Variants in PEA15 observed in about 807,000 individuals in gnomAD.
The protein encoded by PEA15 is astrocytic phosphoprotein PEA-15.
For synonymous variants in PEA15, 60 were observed against 61.8 expected (o/e 0.97, Z 0.13); for missense variants, 77 against 161.3 (o/e 0.48, Z 2.83).
intron 1 of PEA15, among the ~76,000 whole-genome samples, chr1:160,210,007 G>C (rs1336509851): frequency 1.3e-5 from 2 of 152,324 alleles, no homozygotes; most frequent in Non-Finnish European, 1.5e-5. Context: ...GTTTCTTGCG[G>C]GGGTCATGGT....
At chr1:160,211,382 G>T in intron 1 of PEA15, 161 bp from the exon 2 acceptor site, 1 of 1,319,154 alleles carries the variant, frequency 7.6e-7, no homozygotes, top group South Asian at 2.3e-5. Context: ...GCCTCCCCTA[G>T]GTCTTCCTTT....
At position 160,211,725 on chromosome 1, in the gene PEA15, G is replaced by A; in HGVS notation, c.172+9G>A. 6.2e-7 allele frequency: 1 copy of A among 1,610,272 alleles called. No individual in the cohort carries two copies. The highest frequency in any genetic ancestry group is 8.5e-7 in the Non-Finnish European group (1 of 1,177,436). On this transcript the variant is annotated intron_variant, in intron 2 of 3. Coordinates refer to ENST00000360472, the MANE Select transcript of PEA15 (RefSeq NM_003768.5). ...CAACAAGCTGGACAAAGGTGGGGGA[G>A]GGGAGCACAGGGGTCCTGTCATCAG... is the stretch of plus-strand genomic sequence containing the variant.
chr1:160,213,490 A>AG lies in PEA15; in HGVS notation c.*9dup. On this transcript the variant is annotated 3_prime_UTR_variant, in exon 4 of 4. Coordinates refer to ENST00000360472, the MANE Select transcript of PEA15 (RefSeq NM_003768.5). The surrounding 1 kb of genome is among the most constrained non-coding windows in gnomAD (Gnocchi z 5.3). Reference sequence around the variant, plus strand: ...TCCCCCACCGAAGAAGGCCTGAGCAAGGGGGAGGAAGAGGAGGAAGGTTGG... The same window carrying AG: ...TCCCCCACCGAAGAAGGCCTGAGCAAGGGGGGAGGAAGAGGAGGAAGGTTGG... 6.2e-7 allele frequency: 1 copy of AG among 1,613,586 alleles called. No individual in the cohort carries two copies. Among genetic ancestry groups the AG allele is most frequent in the Non-Finnish European group, 8.5e-7 (1 of 1,179,628 alleles).
chr1:160,213,371 C>T lies in PEA15; in HGVS notation c.329-51C>T, dbSNP rs1352326075. On this transcript the variant is annotated intron_variant, in intron 3 of 3. Coordinates refer to ENST00000360472, the MANE Select transcript of PEA15 (RefSeq NM_003768.5). This position sits in a 1 kb window ranked among gnomAD's most constrained non-coding sequence, Gnocchi z 5.3. ...TGGAGGCAGATGCCCAATGGGCCTG[C>T]CTGGCATCTCCCACACTGCTGTCCC... The T allele has an allele frequency of 6.2e-7, 1 of 1,609,140 alleles. No individual in the cohort carries two copies. The highest frequency in any genetic ancestry group is 2.2e-5 in the East Asian group (1 of 44,872).
rs1654686040 is a variant in PEA15 at position 160,208,173 on chromosome 1, C to T, written c.-3+2651C>T. On this transcript the variant is annotated intron_variant, in intron 1 of 3. Transcript: ENST00000360472. The surrounding 1 kb of genome is among the most constrained non-coding windows in gnomAD (Gnocchi z 4.1). ...CAATTGCCAGGCTTCTCAAAGCACT[C>T]CCAGGGCCTGGCTCTTCTTACCCCA... 1 of 159,928 alleles carries T rather than the reference C, an allele frequency of 6.3e-6. No individual in the cohort carries two copies. The allele number at this position is 159,928 out of a possible 1,614,324, so 9.9% of individuals were successfully genotyped here.
chr1:160,209,192 C>A (rs183188775), intron 1 of PEA15, among the ~76,000 whole-genome samples: 363 of 152,286 alleles, frequency 2.4e-3, no homozygotes, highest in Admixed American at 8.0e-3. Flanking sequence ...ATATCCAGTG[C>A]TGGCACATAC....
intron 1 of PEA15, among the ~76,000 whole-genome samples, chr1:160,210,683 C>T (rs561819046): frequency 6.6e-6 from 1 of 152,244 alleles, no homozygotes; most frequent in East Asian, 1.9e-4. Flanking sequence ...TGCCATTCTC[C>T]CAAAGCCGCA....
intron 1 of PEA15, among the ~76,000 whole-genome samples, chr1:160,209,461 C>T (rs1654756857): frequency 6.6e-6 from 1 of 152,158 alleles, no homozygotes; most frequent in Non-Finnish European, 1.5e-5. Context: ...CCGCCTACCT[C>T]CTCTGTAGAT....
At chr1:160,207,736 G>A (rs1202539288) in intron 1 of PEA15, among the ~76,000 whole-genome samples, 3 of 152,158 alleles carry the variant, frequency 2.0e-5, no homozygotes. Flanking sequence ...AATTAATTGA[G>A]AATGATATTA....
Position 160,208,725 on chromosome 1 carries a change from T to G in PEA15, c.-2-2818T>G, listed in dbSNP as rs932272579. ...TCCCCTAAACAACACTCCCTTTGCT[T>G]CTTCTGCCATACTAAGGCCTAGGCA... On this transcript the variant is annotated intron_variant, in intron 1 of 3. Transcript: ENST00000360472. The surrounding 1 kb of genome is among the most constrained non-coding windows in gnomAD (Gnocchi z 4.1). 29 of 1,407,212 alleles carry G rather than the reference T, an allele frequency of 2.1e-5. No individual in the cohort carries two copies. The highest frequency in any genetic ancestry group is 7.1e-5 in the African/African-American group (5 of 70,238). 87.2% of individuals were successfully genotyped at this position (1,407,212 alleles called of 1,614,324 possible).
In PEA15 at chr1:160,205,943, A is replaced by G. The variant is rs1230029661; in HGVS notation, c.-3+421A>G. The G allele has an allele frequency of 6.6e-6, 1 of 152,182 alleles. No homozygotes were observed. Among genetic ancestry groups the G allele is most frequent in the Non-Finnish European group, 1.5e-5 (1 of 68,022 alleles). The allele number at this position is 152,182 out of a possible 1,614,324, so 9.4% of individuals were successfully genotyped here. On this transcript the variant is annotated intron_variant, in intron 1 of 3. Transcript: ENST00000360472. This position sits in a 1 kb window ranked among gnomAD's most constrained non-coding sequence, Gnocchi z 5.9. ...TACCATGTGCCCTCACCCCCAGCTC[A>G]CTGCACCTGGGGAAGAGGTGGGCTT...
chr1:160,206,693 G>A (rs1479600583), intron 1 of PEA15, among the ~76,000 whole-genome samples: 1 of 152,192 alleles, frequency 6.6e-6, no homozygotes. Context: ...CAGGGAACCA[G>A]GGAGAGGGAG....
rs1654510329 is a variant in PEA15, at chr1:160,205,408, G to GGCGGCGGCA, written c.-115_-107dup. The stretch of plus-strand genomic sequence containing the variant: ...CGGCTCCGCGGGCGGAAGAGGCGGC[G>GGCGGCGGCA]GCGGCGGCAGAAGCGGCGGCGGCGG... On this transcript the variant is annotated 5_prime_UTR_variant, in exon 1 of 4. Coordinates refer to ENST00000360472, the MANE Select transcript of PEA15 (RefSeq NM_003768.5). The surrounding 1 kb of genome is among the most constrained non-coding windows in gnomAD (Gnocchi z 5.9). The GGCGGCGGCA allele has an allele frequency of 5.6e-6, 1 of 177,784 alleles. No individual in the cohort carries two copies. Among genetic ancestry groups the GGCGGCGGCA allele is most frequent in the Non-Finnish European group, 1.1e-5 (1 of 90,590 alleles). The allele number at this position is 177,784 out of a possible 1,614,324, so 11.0% of individuals were successfully genotyped here.
chr1:160,208,068 A>C lies in PEA15; in HGVS notation c.-3+2546A>C, dbSNP rs557732497. The stretch of plus-strand genomic sequence containing the variant: ...AGAGGATTTGGAACCAAACGTTAGA[A>C]GGGATAATCTACCACGACTTAATGT... On this transcript the variant is annotated intron_variant, in intron 1 of 3. Transcript: ENST00000360472. This position sits in a 1 kb window ranked among gnomAD's most constrained non-coding sequence, Gnocchi z 4.1. Among the ~76,000 whole-genome samples the C allele has an allele frequency of 2.0e-5, 3 of 152,372 alleles. No individual in the cohort carries two copies. In the East Asian group the frequency reaches 5.8e-4, roughly 29 times the overall value.
chr1:160,213,636 G>A lies in PEA15; in HGVS notation c.*150G>A, dbSNP rs866656268. ...ACTGTGCGCGTGTGTGTGCGTGTGC[G>A]CACGCTCTGGCTGTTTGTCTATATG... is the stretch of plus-strand genomic sequence containing the variant. On this transcript the variant is annotated 3_prime_UTR_variant, in exon 4 of 4. Coordinates refer to ENST00000360472, the MANE Select transcript of PEA15 (RefSeq NM_003768.5). The surrounding 1 kb of genome is among the most constrained non-coding windows in gnomAD (Gnocchi z 5.3). 6.7e-5 allele frequency: 28 copies of A among 415,840 alleles called. No individual in the cohort carries two copies. The Middle Eastern group carries it at 2.4e-3, about 35-fold the overall frequency. The allele number at this position is 415,840 out of a possible 1,614,324, so 25.8% of individuals were successfully genotyped here. A position where few individuals can be genotyped will look rare whatever the true frequency, so the allele number is the denominator to read the frequency against.
intron 2 of PEA15, among the ~76,000 whole-genome samples, chr1:160,212,777 T>TG (rs1007053423): frequency 4.2e-5 from 1 of 23,940 alleles, no homozygotes; most frequent in Non-Finnish European, 8.3e-5. Context: ...AGGATGGGGG[T>TG]GGGGGTGGGG....
At chr1:160,207,671 G>A (rs1455969397) in intron 1 of PEA15, among the ~76,000 whole-genome samples, 1 of 152,104 alleles carries the variant, frequency 6.6e-6, no homozygotes, top group African/African-American at 2.4e-5. Flanking sequence ...CTTGTTACAG[G>A]AGTAAAGACA....
At chr1:160,211,192 A>C in intron 1 of PEA15, 1 of 647,330 alleles carries the variant, frequency 1.5e-6, no homozygotes, top group Non-Finnish European at 1.9e-6. Context: ...GGGGACTTGG[A>C]GAGAGCGGGT....
Position 160,214,681 on chromosome 1 carries a change from T to C in PEA15, c.*1195T>C, listed in dbSNP as rs1655032533. On this transcript the variant is annotated 3_prime_UTR_variant, in exon 4 of 4. Transcript: ENST00000360472. ...TGGTGTCTAGCATTAACTTATTGTCTAGGCCAGAGCGGGGGTGGGAGGGGA... is the reference window on the plus strand; with the variant it reads ...TGGTGTCTAGCATTAACTTATTGTCCAGGCCAGAGCGGGGGTGGGAGGGGA... 1 of 152,634 alleles carries C rather than the reference T, an allele frequency of 6.6e-6. No homozygotes were observed. Among genetic ancestry groups the C allele is most frequent in the South Asian group, 2.1e-4 (1 of 4,826 alleles). 9.5% of individuals were successfully genotyped at this position (152,634 alleles called of 1,614,324 possible).
Sources: gnomAD v4.1 joint callset for allele counts (sites outside exome capture counted in the v4.1 genomes callset) on GRCh38, gnomAD v4.1.1 for gene constraint, Gnocchi (gnomAD v3.1) non-coding constraint, MANE v1.5 for transcripts, NCBI Gene and HGNC (gene_info 2026-07-23, HGNC 2026-07-21) for gene names.